The following ASTN2 variants were observed in gnomAD, a reference collection of about 807,000 sequenced individuals.
ASTN2 encodes the protein astrotactin-2.
ASTN2 carries 54 observed loss-of-function variants against 139.8 expected under a neutral mutation model. That is an observed-to-expected ratio of 0.39 (90% CI 0.31 to 0.48). The LOEUF is 0.48. Ranked by LOEUF, ASTN2 falls within the 20% of genes least tolerant of loss-of-function variation. The probability of loss-of-function intolerance (pLI) is 0.95; values close to 1 mark genes in which losing one functional copy is unlikely to be tolerated. For missense variants in ASTN2, 1,565 were observed against 1,725.1 expected, an observed-to-expected ratio of 0.91 and a Z score of 1.64; for synonymous variants, 756 against 719.5, an observed-to-expected ratio of 1.05 and a Z score of -0.81.
At chr9:116,996,651 A>T (rs1198694063) in intron 7 of ASTN2, among the ~76,000 whole-genome samples, 1 of 152,130 alleles carries the variant, frequency 6.6e-6, no homozygotes, top group African/African-American at 2.4e-5. Context: ...CAGCACCATC[A>T]CTAACTCTAT....
chr9:117,371,781 T>A (rs534969685), intron 1 of ASTN2, among the ~76,000 whole-genome samples: 3 of 152,118 alleles, frequency 2.0e-5, no homozygotes, highest in Non-Finnish European at 4.4e-5. Context: ...TTTAGGATGC[T>A]AAATTAAGGA....
intron 1 of ASTN2, among the ~76,000 whole-genome samples, chr9:117,388,728 C>A (rs1224597442): frequency 6.6e-6 from 1 of 152,130 alleles, no homozygotes; most frequent in Non-Finnish European, 1.5e-5. Flanking sequence ...GGGCTGGTGA[C>A]TATTTGCAAC....
chr9:116,908,109 G>T (rs959339172), intron 10 of ASTN2, among the ~76,000 whole-genome samples: 7 of 152,134 alleles, frequency 4.6e-5, no homozygotes, highest in African/African-American at 1.7e-4. Context: ...GAAAAGAAAT[G>T]ACACAGTCTA....
intron 22 of ASTN2, among the ~76,000 whole-genome samples, chr9:116,436,366 T>A (rs1305946798): frequency 6.6e-6 from 1 of 152,156 alleles, no homozygotes; most frequent in Non-Finnish European, 1.5e-5. Context: ...CAGGTGGGAC[T>A]CCAGGCCACC....
intron 2 of ASTN2, among the ~76,000 whole-genome samples, chr9:117,272,171 C>T (rs1023406774): frequency 6.6e-6 from 1 of 152,230 alleles, no homozygotes; most frequent in African/African-American, 2.4e-5. Context: ...CAATTCTTGC[C>T]TTCTGTGCAC....
At chr9:116,851,143 A>C (rs2132322030) in intron 11 of ASTN2, among the ~76,000 whole-genome samples, 1 of 152,298 alleles carries the variant, frequency 6.6e-6, no homozygotes, top group African/African-American at 2.4e-5. Flanking sequence ...TAGTTTGATA[A>C]GATGTGCTAG....
chr9:116,914,451 C>T (rs1229528635), intron 10 of ASTN2, among the ~76,000 whole-genome samples: 1 of 151,970 alleles, frequency 6.6e-6, no homozygotes, highest in African/African-American at 2.4e-5. Context: ...TATCCCAGTC[C>T]TTGTTGACTG....
At chr9:116,918,445 G>A (rs1834513469) in intron 10 of ASTN2, among the ~76,000 whole-genome samples, 1 of 152,132 alleles carries the variant, frequency 6.6e-6, no homozygotes, top group Non-Finnish European at 1.5e-5. Flanking sequence ...ATGTAAACAG[G>A]TCACCATTCT....
chr9:117,413,276 G>A (rs1361439354), intron 1 of ASTN2, among the ~76,000 whole-genome samples: 1 of 152,270 alleles, frequency 6.6e-6, no homozygotes, highest in Admixed American at 6.5e-5. Flanking sequence ...AGGCGAGCAA[G>A]GAGTTAACCT....
chr9:116,436,716 C>T (rs190879089), intron 22 of ASTN2, among the ~76,000 whole-genome samples: 13 of 152,066 alleles, frequency 8.5e-5, no homozygotes, highest in Admixed American at 8.5e-4. Flanking sequence ...AGGGTATATA[C>T]CCAAAGGACT....
At chr9:117,333,742 G>T (rs1389720953) in intron 1 of ASTN2, among the ~76,000 whole-genome samples, 1 of 152,102 alleles carries the variant, frequency 6.6e-6, no homozygotes, top group Non-Finnish European at 1.5e-5. Flanking sequence ...GACCTCAAGT[G>T]ATCTGCCCGC....
chr9:116,495,189 G>A (rs1053632107), intron 19 of ASTN2, among the ~76,000 whole-genome samples: 8 of 152,178 alleles, frequency 5.3e-5, no homozygotes, highest in African/African-American at 7.2e-5. Context: ...GCCAGGCATC[G>A]TGCTGAGACT....
At chr9:117,282,842 T>C (rs1021987332) in intron 2 of ASTN2, among the ~76,000 whole-genome samples, 6 of 136,232 alleles carry the variant, frequency 4.4e-5, no homozygotes, top group Admixed American at 3.4e-4. Context: ...TAAAGCATGG[T>C]GTGGCCAAGG....
At chr9:116,986,029 C>G (rs1324198656) in intron 7 of ASTN2, among the ~76,000 whole-genome samples, 4 of 152,162 alleles carry the variant, frequency 2.6e-5, no homozygotes, top group African/African-American at 2.4e-5. Flanking sequence ...AAAATTGTCA[C>G]AAGGATTGCA....
At chr9:116,836,190 A>G (rs1831985525) in intron 11 of ASTN2, among the ~76,000 whole-genome samples, 1 of 151,908 alleles carries the variant, frequency 6.6e-6, no homozygotes, top group African/African-American at 2.4e-5. Context: ...TTCCCCCCTT[A>G]ATCTCCACTA....
intron 16 of ASTN2, among the ~76,000 whole-genome samples, chr9:116,661,149 C>T (rs973793498): frequency 1.3e-5 from 2 of 152,044 alleles, no homozygotes; most frequent in Non-Finnish European, 2.9e-5. Context: ...AGGAATCAGT[C>T]GGCATTGAAG....
intron 19 of ASTN2, among the ~76,000 whole-genome samples, chr9:116,566,095 C>G (rs1223386714): frequency 6.6e-6 from 1 of 152,200 alleles, no homozygotes; most frequent in Non-Finnish European, 1.5e-5. Flanking sequence ...ATAGTCTTCA[C>G]TTGTCTACAC....
chr9:117,325,939 T>G (rs749397090), intron 1 of ASTN2, among the ~76,000 whole-genome samples: 1 of 152,076 alleles, frequency 6.6e-6, no homozygotes, highest in Non-Finnish European at 1.5e-5. Context: ...CCATAGTACA[T>G]GCCTGATGAC....
At chr9:116,984,847 TG>T (rs1836632184) in intron 7 of ASTN2, among the ~76,000 whole-genome samples, 1 of 152,178 alleles carries the variant, frequency 6.6e-6, no homozygotes, top group South Asian at 2.1e-4. Context: ...TTCCAAATCT[TG>T]TTAAAATTCC....
Sources: gnomAD v4.1 joint callset for allele counts (sites outside exome capture counted in the v4.1 genomes callset) on GRCh38, gnomAD v4.1.1 for gene constraint, MANE v1.5 for transcripts, NCBI Gene and HGNC (gene_info 2026-07-23, HGNC 2026-07-21) for gene names.